Variants in MERTK observed in about 807,000 individuals in gnomAD.
MERTK encodes the protein MER proto-oncogene, tyrosine kinase.
MERTK carries 69 observed loss-of-function variants against 99.3 expected under a neutral mutation model. The observed-to-expected ratio is 0.70, with a 90% CI of 0.57 to 0.85. The LOEUF is 0.85. Among genes scored for constraint, MERTK ranks in the 40% least tolerant of loss-of-function variants. The pLI, the probability that MERTK is intolerant of heterozygous loss-of-function variation, is 0.00. For missense variants in MERTK, 1,125 were observed against 1,249.4 expected, an observed-to-expected ratio of 0.90 and a Z score of 1.50; for synonymous variants, 426 against 467.6, an observed-to-expected ratio of 0.91 and a Z score of 1.15.
chr2:112,009,128 T>G (rs1677044360), intron 14 of MERTK, among the ~76,000 whole-genome samples: 1 of 152,240 alleles, frequency 6.6e-6, no homozygotes, highest in African/African-American at 2.4e-5. Flanking sequence ...GTTTTTGCTT[T>G]GCCATCCTGT....
intron 15 of MERTK, among the ~76,000 whole-genome samples, chr2:112,016,182 C>G (rs543238327): frequency 8.5e-5 from 13 of 152,264 alleles, no homozygotes; most frequent in South Asian, 4.1e-4. Flanking sequence ...ATCAGCTTAT[C>G]TGTGTCTGGC....
chr2:111,955,140 A>G (rs1330305357), intron 4 of MERTK, among the ~76,000 whole-genome samples: 2 of 152,144 alleles, frequency 1.3e-5, no homozygotes, highest in Non-Finnish European at 2.9e-5. Flanking sequence ...TACTGAGGGA[A>G]TGCTAAGTGG....
chr2:111,927,074 C>A (rs1573576083), intron 1 of MERTK, among the ~76,000 whole-genome samples: 1 of 152,140 alleles, frequency 6.6e-6, no homozygotes, highest in African/African-American at 2.4e-5. Context: ...CCCTAAAGCA[C>A]ACAGAAGGCC....
chr2:111,909,749 G>A (rs1208219849), intron 1 of MERTK, among the ~76,000 whole-genome samples: 2 of 152,044 alleles, frequency 1.3e-5, no homozygotes, highest in African/African-American at 2.4e-5. Flanking sequence ...CCTTCTCCCT[G>A]TACCCAGGGA....
intron 4 of MERTK, among the ~76,000 whole-genome samples, chr2:111,948,252 G>A (rs997953712): frequency 6.6e-6 from 1 of 152,198 alleles, no homozygotes; most frequent in Non-Finnish European, 1.5e-5. Flanking sequence ...TCAGGACACA[G>A]CGTGGACTTT....
At chr2:111,925,266 T>C (rs915040031) in intron 1 of MERTK, among the ~76,000 whole-genome samples, 1 of 122,460 alleles carries the variant, frequency 8.2e-6, no homozygotes, top group African/African-American at 3.0e-5. Context: ...AATCAAATTG[T>C]ACAGATCAGA....
At chr2:111,923,415 G>A (rs1176632310) in intron 1 of MERTK, among the ~76,000 whole-genome samples, 3 of 152,194 alleles carry the variant, frequency 2.0e-5, no homozygotes, top group Non-Finnish European at 4.4e-5. Context: ...ACAGTGCAGG[G>A]GTGCTGCACC....
intron 2 of MERTK, among the ~76,000 whole-genome samples, chr2:111,937,354 A>G (rs1407718277): frequency 6.6e-6 from 1 of 152,024 alleles, no homozygotes; most frequent in African/African-American, 2.4e-5. Context: ...CAGGAGGCTG[A>G]GGTGGGAGGA....
intron 3 of MERTK, 95 bp downstream of exon 3, chr2:111,945,155 C>T: frequency 2.0e-6 from 2 of 983,790 alleles, no homozygotes; most frequent in South Asian, 1.4e-5. Flanking sequence ...GTTTTGCCTG[C>T]CTATTTATAA....
At chr2:111,907,379 A>T (rs1187755869) in intron 1 of MERTK, among the ~76,000 whole-genome samples, 1 of 152,170 alleles carries the variant, frequency 6.6e-6, no homozygotes, top group East Asian at 1.9e-4. Flanking sequence ...GTGCCACTGC[A>T]CTCCAGCCTG....
intron 7 of MERTK, among the ~76,000 whole-genome samples, chr2:111,981,712 A>G (rs1676374315): frequency 1.3e-5 from 2 of 149,066 alleles, no homozygotes; most frequent in South Asian, 4.3e-4. Context: ...TTGTTTCCCA[A>G]ATTATTTTAT....
At chr2:111,936,704 C>T (rs1684770157) in intron 2 of MERTK, among the ~76,000 whole-genome samples, 1 of 152,154 alleles carries the variant, frequency 6.6e-6, no homozygotes, top group Non-Finnish European at 1.5e-5. Flanking sequence ...AGTCAGTGGG[C>T]TGGGCCTCCT....
rs757422238 is a variant in MERTK, at chr2:111,929,346, C to T, written c.288C>T (p.Phe96=). The change falls in exon 2 of 19, where the codon TTC becomes TTT. Residue 96 remains phenylalanine (F), a synonymous_variant. Transcript: ENST00000295408. ...VESKPLPPLA[F]KHTVGHIILS... is the part of the protein sequence containing the mutation. ...CAAAGCCCCTACCGCCTCTTGCCTT[C>T]AAACACACAGTTGGACACATAATAC... 1 of 1,614,184 alleles carries T rather than the reference C, an allele frequency of 6.2e-7. No individual in the cohort carries two copies. Among genetic ancestry groups the T allele is most frequent in the Non-Finnish European group, 8.5e-7 (1 of 1,180,032 alleles).
chr2:112,016,550 T>A (rs1375673908), intron 15 of MERTK, among the ~76,000 whole-genome samples: 2 of 152,164 alleles, frequency 1.3e-5, no homozygotes, highest in Non-Finnish European at 2.9e-5. Flanking sequence ...ATCAATGTAT[T>A]TAAACATGCT....
At chr2:112,011,106 A>G (rs1677093196) in intron 15 of MERTK, among the ~76,000 whole-genome samples, 2 of 152,188 alleles carry the variant, frequency 1.3e-5, no homozygotes, top group South Asian at 2.1e-4. Context: ...TTTAGCTGCC[A>G]TCAGTATGAG....
At chr2:112,002,290 A>G (rs1676885106) in intron 11 of MERTK, among the ~76,000 whole-genome samples, 1 of 152,128 alleles carries the variant, frequency 6.6e-6, no homozygotes, top group African/African-American at 2.4e-5. Flanking sequence ...CTATGCTGTT[A>G]TAATAGGTTT....
intron 1 of MERTK, among the ~76,000 whole-genome samples, chr2:111,904,741 T>C (rs965884780): frequency 1.3e-5 from 2 of 152,162 alleles, no homozygotes; most frequent in Non-Finnish European, 2.9e-5. Flanking sequence ...GGCTGCAACA[T>C]AGAGAAAATG....
chr2:111,963,715 A>G (rs1685301449), intron 4 of MERTK, among the ~76,000 whole-genome samples: 1 of 152,254 alleles, frequency 6.6e-6, no homozygotes. Flanking sequence ...AAGGCCGAAG[A>G]ATTTCTCTTA....
intron 18 of MERTK, among the ~76,000 whole-genome samples, chr2:112,025,749 G>T (rs1677448002): frequency 6.6e-6 from 1 of 152,170 alleles, no homozygotes; most frequent in Admixed American, 6.5e-5. Context: ...TATGAGTAAA[G>T]TCATACATTT....
Sources: gnomAD v4.1 joint callset for allele counts (sites outside exome capture counted in the v4.1 genomes callset) on GRCh38, gnomAD v4.1.1 for gene constraint, MANE v1.5 for transcripts, NCBI Gene and HGNC (gene_info 2026-07-23, HGNC 2026-07-21) for gene names.